MALRD1: variants seen among roughly 807,000 people sequenced by gnomAD.
The protein encoded by MALRD1 is MAM and LDL receptor class A domain containing 1.
A neutral mutation model predicts 242.1 loss-of-function variants in MALRD1; 247 were observed. The ratio of observed to expected loss-of-function variants is 1.02; its 90% CI spans 0.92 to 1.13. The LOEUF (loss-of-function observed/expected upper bound fraction) is 1.13. Ranked by LOEUF, MALRD1 falls within the 50% of genes most tolerant of loss-of-function variation. The pLI is 0.00. For missense variants in MALRD1, 2,989 were observed against 2,533.1 expected, an observed-to-expected ratio of 1.18 and a Z score of -3.86; for synonymous variants, 995 against 866.6, an observed-to-expected ratio of 1.15 and a Z score of -2.60.
intron 5 of MALRD1, among the ~76,000 whole-genome samples, chr10:19,110,317 T>C (rs1836632475): frequency 1.3e-5 from 2 of 152,240 alleles, no homozygotes; most frequent in African/African-American, 4.8e-5. Context: ...CTGGGTTTTG[T>C]AGAAGCTGGT....
chr10:19,392,268 A>G (rs192214335), intron 28 of MALRD1, among the ~76,000 whole-genome samples: 9 of 152,236 alleles, frequency 5.9e-5, no homozygotes, highest in Non-Finnish European at 1.0e-4. Context: ...TTACCACCCT[A>G]TAGCTAAATA....
At chr10:19,214,887 G>C (rs1270898839) in intron 18 of MALRD1, among the ~76,000 whole-genome samples, 1 of 152,074 alleles carries the variant, frequency 6.6e-6, no homozygotes, top group African/African-American at 2.4e-5. Flanking sequence ...TGGTGTTAGA[G>C]GACTCTCTGC....
chr10:19,623,222 G>T (rs542297928), intron 36 of MALRD1, among the ~76,000 whole-genome samples: 1 of 151,828 alleles, frequency 6.6e-6, no homozygotes, highest in Non-Finnish European at 1.5e-5. Context: ...AAAGATAAAT[G>T]GCAATCTGAG....
intron 35 of MALRD1, among the ~76,000 whole-genome samples, 162 bp downstream of exon 35, chr10:19,608,064 A>G (rs1838722388): frequency 6.6e-6 from 1 of 152,276 alleles, no homozygotes; most frequent in East Asian, 1.9e-4. Context: ...ATTAATTGCC[A>G]CATGTCTAAA....
chr10:19,275,964 C>G (rs960030907), intron 19 of MALRD1, among the ~76,000 whole-genome samples: 3 of 152,132 alleles, frequency 2.0e-5, no homozygotes, highest in African/African-American at 7.2e-5. Context: ...TGTATTTACC[C>G]TGAGCTTGGA....
intron 32 of MALRD1, among the ~76,000 whole-genome samples, chr10:19,555,433 A>G (rs1428537444): frequency 2.0e-5 from 3 of 152,136 alleles, no homozygotes; most frequent in African/African-American, 7.2e-5. Context: ...TGTAACTTTG[A>G]GCAAACATTT....
chr10:19,324,024 T>C lies in MALRD1; in HGVS notation c.3495T>C (p.Thr1165=), dbSNP rs1843011479. ...TTGGTGACACGGCTGACATTCTCACTCCTATCATTTCACTCACGGGACCAA... is the reference window on the plus strand; with the variant it reads ...TTGGTGACACGGCTGACATTCTCACCCCTATCATTTCACTCACGGGACCAA... ...GKFGDTADIL[T]PIISLTGPKC... The change falls in exon 22 of 40, where the codon ACT becomes ACC. Residue 1165 remains threonine, a synonymous_variant. Coordinates refer to ENST00000454679, the MANE Select transcript of MALRD1 (RefSeq NM_001142308.3). 1.3e-6 allele frequency: 2 copies of C among 1,550,676 alleles called. No homozygotes were observed. Among genetic ancestry groups the C allele is most frequent in the African/African-American group, 1.4e-5 (1 of 73,026 alleles).
At position 19,414,320 on chromosome 10, in the gene MALRD1, G is replaced by A. The variant is rs189566044; in HGVS notation, c.4845+24711G>A. On this transcript the variant is annotated intron_variant, in intron 28 of 39. Transcript: ENST00000454679. ...AATAACTGATAAGTCATTTTGTCACGAATAAGATACAACCTATGTGATAAA... is the reference window on the plus strand; with the variant it reads ...AATAACTGATAAGTCATTTTGTCACAAATAAGATACAACCTATGTGATAAA... Among the ~76,000 whole-genome samples, 15 of 152,226 alleles carry A rather than the reference G, an allele frequency of 9.9e-5. No homozygotes were observed. In the South Asian group the frequency reaches 2.1e-3, roughly 21 times the overall value.
At chr10:19,125,193 A>T (rs926061895) in intron 7 of MALRD1, among the ~76,000 whole-genome samples, 6 of 151,642 alleles carry the variant, frequency 4.0e-5, no homozygotes, top group Admixed American at 3.9e-4. Flanking sequence ...TGATCCACCC[A>T]CCTTAGCCTC....
At chr10:19,519,783 C>T (rs1460551549) in intron 31 of MALRD1, among the ~76,000 whole-genome samples, 1 of 152,126 alleles carries the variant, frequency 6.6e-6, no homozygotes, top group Non-Finnish European at 1.5e-5. Flanking sequence ...TAACAAAAAA[C>T]TGGTTCTGAT....
intron 24 of MALRD1, among the ~76,000 whole-genome samples, chr10:19,335,067 C>T (rs746607521): frequency 6.6e-6 from 1 of 152,010 alleles, no homozygotes; most frequent in Admixed American, 6.6e-5. Flanking sequence ...TAAAAACATA[C>T]TGTCTTGTTA....
At chr10:19,581,045 A>AT (rs896855186) in intron 33 of MALRD1, among the ~76,000 whole-genome samples, 6 of 152,132 alleles carry the variant, frequency 3.9e-5, no homozygotes, top group Non-Finnish European at 7.4e-5. Flanking sequence ...ACAGAGGATG[A>AT]TTTTTTAAAG....
chr10:19,076,533 AT>A (rs1474971726), intron 2 of MALRD1, among the ~76,000 whole-genome samples: 1 of 151,960 alleles, frequency 6.6e-6, no homozygotes, highest in Non-Finnish European at 1.5e-5. Flanking sequence ...TCTGAGCACC[AT>A]ATATTGAAAA....
rs1273083133 is a variant in MALRD1, at chr10:19,052,976, G to A, written c.199+3839G>A. The stretch of plus-strand genomic sequence containing the variant: ...TACTTCCTTGCTTAGGCCAGAAGCC[G>A]TCAGGCAAGGTTGGAAAGAATCTCT... On this transcript the variant is annotated intron_variant, in intron 1 of 39. Transcript: ENST00000454679. Among the ~76,000 whole-genome samples the A allele has an allele frequency of 2.0e-5, 3 of 152,098 alleles. No individual in the cohort carries two copies. The East Asian group carries it at 5.8e-4, about 29-fold the overall frequency.
In MALRD1 at chr10:19,595,368, TC is replaced by T; in HGVS notation, c.5858del (p.Pro1953ArgfsTer75). ...PTPPLCSNME[F>X]PCSTDECIPS... ...CCTCCACTCTGTAGTAACATGGAGTTCCCGTGCTCTACAGACGAGTGTATAC... is the reference window on the plus strand; with the variant it reads ...CCTCCACTCTGTAGTAACATGGAGTTCCGTGCTCTACAGACGAGTGTATAC... On this transcript the variant is annotated frameshift_variant, in exon 34 of 40. Coordinates refer to ENST00000454679, the MANE Select transcript of MALRD1 (RefSeq NM_001142308.3). LOFTEE classifies it high-confidence loss of function. 5 of 1,550,668 alleles carry T rather than the reference TC, an allele frequency of 3.2e-6. No individual in the cohort carries two copies. The highest frequency in any genetic ancestry group is 3.5e-6 in the Non-Finnish European group (4 of 1,146,954).
chr10:19,354,641 C>T (rs1206356601), intron 26 of MALRD1, among the ~76,000 whole-genome samples: 2 of 152,046 alleles, frequency 1.3e-5, no homozygotes, highest in African/African-American at 4.8e-5. Context: ...CTCTGCCTGG[C>T]TTATTTCACT....
At chr10:19,401,385 A>G (rs185300362) in intron 28 of MALRD1, among the ~76,000 whole-genome samples, 2 of 152,342 alleles carry the variant, frequency 1.3e-5, no homozygotes, top group East Asian at 3.9e-4. Flanking sequence ...ATTAAATGTT[A>G]TGTACCAAAT....
intron 31 of MALRD1, among the ~76,000 whole-genome samples, chr10:19,518,947 A>T (rs1833760248): frequency 1.3e-5 from 2 of 152,202 alleles, no homozygotes; most frequent in Non-Finnish European, 2.9e-5. Context: ...ATTAGACAGC[A>T]TTATCCCTAT....
chr10:19,119,136 T>TGA (rs1384133991), intron 5 of MALRD1, among the ~76,000 whole-genome samples: 1 of 151,962 alleles, frequency 6.6e-6, no homozygotes, highest in African/African-American at 2.4e-5. Flanking sequence ...GCATGTTTGG[T>TGA]GAGAGAGAGA....
Sources: allele counts gnomAD v4.1 joint callset (sites outside exome capture counted in the v4.1 genomes callset), GRCh38; gene constraint gnomAD v4.1.1; transcripts MANE v1.5; gene names NCBI Gene and HGNC (gene_info 2026-07-23, HGNC 2026-07-21).